UBE3B: variants seen among roughly 807,000 people sequenced by gnomAD.
The protein encoded by UBE3B is ubiquitin protein ligase E3B.
Under a neutral mutation model 132.3 loss-of-function variants are expected in UBE3B, and 80 were observed. The ratio of observed to expected loss-of-function variants is 0.60; its 90% CI spans 0.50 to 0.73. The LOEUF (loss-of-function observed/expected upper bound fraction) is 0.73, where lower values mean the gene tolerates loss of function less well. Among genes scored for constraint, UBE3B ranks in the 30% least tolerant of loss-of-function variants. The probability of loss-of-function intolerance (pLI) is 0.00; values close to 1 mark genes in which losing one functional copy is unlikely to be tolerated. For synonymous variants in UBE3B, 487 were observed against 520.4 expected, an observed-to-expected ratio of 0.94 and a Z score of 0.87; for missense variants, 1,196 against 1,362.5, an observed-to-expected ratio of 0.88 and a Z score of 1.92.
At chr12:109,508,448 T>C (rs1879955456) in intron 15 of UBE3B, 1 of 908,596 alleles carries the variant, frequency 1.1e-6, no homozygotes, top group Non-Finnish European at 1.3e-6. Context: ...TTAACAAACA[T>C]TAGTCCCATT....
intron 1 of UBE3B, among the ~76,000 whole-genome samples, chr12:109,480,590 G>A (rs1180273137): frequency 6.6e-6 from 1 of 151,734 alleles, no homozygotes; most frequent in African/African-American, 2.4e-5. Flanking sequence ...GGTAGAAGCT[G>A]CAATGAACCA....
rs532486347 is a variant in UBE3B at position 109,534,460 on chromosome 12, G to A, written c.3016-131G>A. The A allele has an allele frequency of 4.1e-6, 6 of 1,448,680 alleles. No homozygotes were observed. The highest frequency in any genetic ancestry group is 2.6e-5 in the East Asian group (1 of 38,622). 89.7% of individuals were successfully genotyped at this position (1,448,680 alleles called of 1,614,324 possible). The stretch of plus-strand genomic sequence containing the variant: ...GCTTGACCTCGGGTAGTGGTGCCAG[G>A]GCAGCGCCCTGCACTCTGCCCAGCA... On this transcript the variant is annotated intron_variant, in intron 27 of 27. Coordinates refer to ENST00000342494, the MANE Select transcript of UBE3B (RefSeq NM_130466.4). This position sits in a 1 kb window ranked among gnomAD's most constrained non-coding sequence, Gnocchi z 5.2.
chr12:109,505,536 T>C (rs1024546024), intron 14 of UBE3B, among the ~76,000 whole-genome samples: 2 of 152,246 alleles, frequency 1.3e-5, no homozygotes, highest in African/African-American at 4.8e-5. Flanking sequence ...TTTTAACCTA[T>C]TTTTGAATTG....
downstream of UBE3B, among the ~76,000 whole-genome samples, chr12:109,537,952 C>T (rs1328865488): frequency 3.9e-5 from 6 of 152,190 alleles, no homozygotes; most frequent in East Asian, 1.9e-4. Context: ...CCCCCCGCCT[C>T]GGCCTCCCAA....
intron 9 of UBE3B, among the ~76,000 whole-genome samples, chr12:109,496,690 A>G (rs1878251614): frequency 6.6e-6 from 1 of 152,218 alleles, no homozygotes; most frequent in Non-Finnish European, 1.5e-5. Context: ...TCTTCTTTGG[A>G]GAAATGTATG....
chr12:109,509,449 C>G (rs1880084711), intron 15 of UBE3B, 147 bp from the exon 16 acceptor site: 1 of 560,152 alleles, frequency 1.8e-6, no homozygotes, highest in African/African-American at 1.9e-5. Flanking sequence ...GATATCATAT[C>G]ATTTTATCTG....
At chr12:109,508,734 A>G in intron 15 of UBE3B, 1 of 985,502 alleles carries the variant, frequency 1.0e-6, no homozygotes, top group Non-Finnish European at 1.2e-6. Context: ...GCCAAGAGTG[A>G]ATCTTATTCT....
rs201572763 is a variant in UBE3B at position 109,524,047 on chromosome 12, T to G, written c.2434T>G (p.Phe812Val). The G allele has an allele frequency of 1.5e-5, 25 of 1,614,194 alleles. No individual in the cohort carries two copies. In the African/African-American group the frequency reaches 2.0e-4, roughly 13 times the overall value. The change falls in exon 22 of 28, where the codon TTC (phenylalanine) becomes GTC (valine). Residue 812 changes from phenylalanine (F) to valine (V), a missense_variant. Phe to Val is a conservative substitution (Grantham distance 50, BLOSUM62 -1). Transcript: ENST00000342494. ...SQLLGHHHSV[F>V]YSSVDELPSL... ...ACTGCTTGGGCACCACCACAGCGTCTTCTATAGCTCGGTGGATGAACTGCC... is the reference window on the plus strand; with the variant it reads ...ACTGCTTGGGCACCACCACAGCGTCGTCTATAGCTCGGTGGATGAACTGCC...
At position 109,489,811 on chromosome 12, in the gene UBE3B, G is replaced by T. The variant is rs568901074; in HGVS notation, c.545-108G>T. 141 of 1,001,680 alleles carry T rather than the reference G, an allele frequency of 1.4e-4. No homozygotes were observed. In the African/African-American group the frequency reaches 2.2e-3, roughly 15 times the overall value. 62.0% of individuals were successfully genotyped at this position (1,001,680 alleles called of 1,614,324 possible). A position where few individuals can be genotyped will look rare whatever the true frequency, so the allele number is the denominator to read the frequency against. On this transcript the variant is annotated intron_variant, in intron 7 of 27. Coordinates refer to ENST00000342494, the MANE Select transcript of UBE3B (RefSeq NM_130466.4). ...AGGGAAAAGGGAGGCAAGCCAGGGG[G>T]TATCTCATTTCTTAGGGCCTCGGAT...
At position 109,521,675 on chromosome 12, in the gene UBE3B, G is replaced by A; in HGVS notation, c.2364+124G>A. 6 of 890,262 alleles carry A rather than the reference G, an allele frequency of 6.7e-6. No homozygotes were observed. The South Asian group carries it at 9.6e-5, about 14-fold the overall frequency. 55.1% of individuals were successfully genotyped at this position (890,262 alleles called of 1,614,324 possible). A position where few individuals can be genotyped will look rare whatever the true frequency, so the allele number is the denominator to read the frequency against. ...TGTCACTAGGATACAAGCGAGGACAGGGGCAGGAACCAAGGTTTGTTGTAC... is the reference window on the plus strand; with the variant it reads ...TGTCACTAGGATACAAGCGAGGACAAGGGCAGGAACCAAGGTTTGTTGTAC... On this transcript the variant is annotated intron_variant, in intron 21 of 27. Coordinates refer to ENST00000342494, the MANE Select transcript of UBE3B (RefSeq NM_130466.4). This position sits in a 1 kb window ranked among gnomAD's most constrained non-coding sequence, Gnocchi z 4.2.
At chr12:109,480,789 T>C (rs372840694) in intron 1 of UBE3B, among the ~76,000 whole-genome samples, 4 of 152,164 alleles carry the variant, frequency 2.6e-5, no homozygotes, top group South Asian at 4.2e-4. Context: ...CTGTGGAAAA[T>C]TTAGAAAATA....
chr12:109,523,418 C>T (rs970357857), intron 21 of UBE3B, among the ~76,000 whole-genome samples: 1 of 152,246 alleles, frequency 6.6e-6, no homozygotes, highest in Non-Finnish European at 1.5e-5. Flanking sequence ...TGACCTGGCC[C>T]TGCATCCTCA....
At chr12:109,537,905 C>T (rs1022887107), downstream of UBE3B, among the ~76,000 whole-genome samples, 7 of 152,094 alleles carry the variant, frequency 4.6e-5, no homozygotes, top group Admixed American at 1.3e-4. Flanking sequence ...AGGGTTTCAC[C>T]GTGTTAGCCA....
At chr12:109,515,914 G>T (rs1880977884) in intron 18 of UBE3B, among the ~76,000 whole-genome samples, 1 of 152,168 alleles carries the variant, frequency 6.6e-6, no homozygotes, top group African/African-American at 2.4e-5. Context: ...TTACTGGTGG[G>T]ACTGTGGTGG....
intron 23 of UBE3B, among the ~76,000 whole-genome samples, chr12:109,525,111 G>A (rs1183760709): frequency 2.0e-5 from 3 of 152,092 alleles, no homozygotes; most frequent in African/African-American, 4.8e-5. Flanking sequence ...TTAGACTCGC[G>A]CTTGGGCACC....
chr12:109,510,132 G>A lies in UBE3B; in HGVS notation c.1742-212G>A, dbSNP rs371469951. Among the ~76,000 whole-genome samples the A allele has an allele frequency of 2.0e-5, 3 of 152,220 alleles. No homozygotes were observed. The East Asian group carries it at 5.8e-4, about 29-fold the overall frequency. ...GGCCCTTCGGATGACACACTAGTGG[G>A]AGGCAGCATGAGTGATTTTGTCTGA... On this transcript the variant is annotated intron_variant, in intron 16 of 27. Transcript: ENST00000342494.
chr12:109,489,876 T>G, intron 7 of UBE3B, 43 bp from the exon 8 acceptor site: 1 of 1,579,840 alleles, frequency 6.3e-7, no homozygotes. Flanking sequence ...CAGGTCACAT[T>G]ATGGCAAGAG....
chr12:109,544,016 C>T, the UBE3B span, among the ~76,000 whole-genome samples: 7 of 152,028 alleles, frequency 4.6e-5, no homozygotes, highest in African/African-American at 1.2e-4. Context: ...TTGGAGGGTG[C>T]TGGCTTAAGG....
Position 109,521,344 on chromosome 12 carries a change from G to T in UBE3B, c.2253+20G>T, listed in dbSNP as rs777150314. 5 of 1,608,218 alleles carry T rather than the reference G, an allele frequency of 3.1e-6. No homozygotes were observed. In the African/African-American group the frequency reaches 5.3e-5, roughly 17 times the overall value. On this transcript the variant is annotated intron_variant, in intron 20 of 27. Transcript: ENST00000342494. The surrounding 1 kb of genome is among the most constrained non-coding windows in gnomAD (Gnocchi z 4.2). ...TTCAAGGTATTTAAGGGGAGCAACAGCAGGGCTGACAGCAGCCAGATTCAA... is the reference window on the plus strand; with the variant it reads ...TTCAAGGTATTTAAGGGGAGCAACATCAGGGCTGACAGCAGCCAGATTCAA...
Sources: allele counts gnomAD v4.1 joint callset (sites outside exome capture counted in the v4.1 genomes callset), GRCh38; gene constraint gnomAD v4.1.1; non-coding constraint Gnocchi (gnomAD v3.1); transcripts MANE v1.5; gene names NCBI Gene and HGNC (gene_info 2026-07-23, HGNC 2026-07-21).